Variants in TCF4 observed in about 807,000 individuals in gnomAD.
The protein encoded by TCF4 is transcription factor 4, also known as SL3-3 enhancer factor 2.
TCF4 carries 3 observed loss-of-function variants against 82.1 expected under a neutral mutation model. The ratio of observed to expected loss-of-function variants is 0.04; its 90% CI spans 0.02 to 0.09. The LOEUF is 0.09. Among genes scored for constraint, TCF4 ranks in the 10% least tolerant of loss-of-function variants. The probability of loss-of-function intolerance (pLI) is 1.00; values close to 1 mark genes in which losing one functional copy is unlikely to be tolerated. For missense variants in TCF4, 518 were observed against 852.7 expected (o/e 0.61, Z 4.89); for synonymous variants, 276 against 309.6 (o/e 0.89, Z 1.14).
intron 6 of TCF4, among the ~76,000 whole-genome samples, chr18:55,388,164 T>A (rs1192476472): frequency 1.3e-5 from 2 of 152,236 alleles, no homozygotes; most frequent in Non-Finnish European, 2.9e-5. Context: ...TAAAATCATA[T>A]AAAGTAAACA....
intron 2 of TCF4, among the ~76,000 whole-genome samples, chr18:55,617,982 G>A (rs530733321): frequency 2.6e-5 from 4 of 152,014 alleles, no homozygotes; most frequent in South Asian, 2.1e-4. Context: ...TTCCAGTACC[G>A]TGTTGAATAG....
chr18:55,231,360 T>C (rs1189709043), intron 17 of TCF4: 1 of 152,192 alleles, frequency 6.6e-6, no homozygotes, highest in Non-Finnish European at 1.5e-5. Context: ...ACAAATAAAC[T>C]AGTTATGCAA....
chr18:55,393,518 C>A (rs974284340), intron 6 of TCF4, among the ~76,000 whole-genome samples: 3 of 152,156 alleles, frequency 2.0e-5, no homozygotes, highest in Non-Finnish European at 4.4e-5. Flanking sequence ...TTGTAAAAAT[C>A]ACAAGCCACA....
At position 55,275,769 on chromosome 18, in the gene TCF4, C is replaced by T. The variant is rs563924724; in HGVS notation, c.656-17G>A. 2 of 1,613,692 alleles carry T rather than the reference C, an allele frequency of 1.2e-6. No individual in the cohort carries two copies. Among genetic ancestry groups the T allele is most frequent in the African/African-American group, 1.3e-5 (1 of 75,012 alleles). On this transcript the variant is annotated splice_polypyrimidine_tract_variant and intron_variant, in intron 9 of 19. Coordinates refer to ENST00000354452, the MANE Select transcript of TCF4 (RefSeq NM_001083962.2). ...GATGGCCATCTGTAAAGGACAAAGACAACCATGACTTTCTGAGGCATTCAG... is the reference window on the plus strand; with the variant it reads ...GATGGCCATCTGTAAAGGACAAAGATAACCATGACTTTCTGAGGCATTCAG...
intron 8 of TCF4, among the ~76,000 whole-genome samples, chr18:55,333,192 C>T (rs192393728): frequency 9.9e-5 from 15 of 152,214 alleles, no homozygotes; most frequent in Non-Finnish European, 1.5e-4. Flanking sequence ...GGTAGCAATG[C>T]TATAGTTAAG....
At chr18:55,416,671 C>T (rs914709334) in intron 5 of TCF4, among the ~76,000 whole-genome samples, 1 of 152,184 alleles carries the variant, frequency 6.6e-6, no homozygotes, top group South Asian at 2.1e-4. Flanking sequence ...TAATATGCCT[C>T]CTTTGGCCAA....
intron 5 of TCF4, chr18:55,452,423 C>T (rs988882363): frequency 6.6e-6 from 1 of 152,290 alleles, no homozygotes; most frequent in South Asian, 2.1e-4. Context: ...GGTAAGTTCC[C>T]TGGAAACTGT....
chr18:55,434,189 T>C (rs1444429030), intron 5 of TCF4, among the ~76,000 whole-genome samples: 2 of 152,166 alleles, frequency 1.3e-5, no homozygotes, highest in Admixed American at 1.3e-4. Context: ...TATCCTCTGC[T>C]CTTTATTAAT....
At chr18:55,577,189 T>C (rs1207036369) in intron 3 of TCF4, among the ~76,000 whole-genome samples, 1 of 55,066 alleles carries the variant, frequency 1.8e-5, no homozygotes, top group African/African-American at 9.1e-5. Flanking sequence ...TATAAATGTA[T>C]ATATACATTT....
intron 8 of TCF4, chr18:55,302,673 G>T: frequency 7.0e-7 from 1 of 1,428,984 alleles, no homozygotes; most frequent in Non-Finnish European, 9.3e-7. Flanking sequence ...CCTAGGGGTG[G>T]GAGGGCCTAG....
chr18:55,619,166 T>C (rs1259391901), intron 2 of TCF4, among the ~76,000 whole-genome samples: 1 of 152,064 alleles, frequency 6.6e-6, no homozygotes, highest in Non-Finnish European at 1.5e-5. Context: ...TTTGTTTTGG[T>C]GGTGAGATTA....
intron 15 of TCF4, 89 bp downstream of exon 15, chr18:55,254,408 G>C (rs538957327): frequency 2.3e-6 from 3 of 1,307,440 alleles, no homozygotes; most frequent in South Asian, 1.3e-5. Context: ...CAATAAAGCT[G>C]ATTTTTTAAA....
At chr18:55,249,751 T>C (rs2054442290) in intron 15 of TCF4, among the ~76,000 whole-genome samples, 1 of 152,158 alleles carries the variant, frequency 6.6e-6, no homozygotes, top group South Asian at 2.1e-4. Flanking sequence ...GATATATGAA[T>C]AGTAGAGGGG....
At chr18:55,598,947 G>A (rs1335212294) in intron 2 of TCF4, among the ~76,000 whole-genome samples, 1 of 152,212 alleles carries the variant, frequency 6.6e-6, no homozygotes, top group Non-Finnish European at 1.5e-5. Flanking sequence ...GACGGAGATA[G>A]CTGTTGGTGC....
intron 3 of TCF4, among the ~76,000 whole-genome samples, chr18:55,530,562 G>GA (rs33938531): frequency 1.2e-4 from 3 of 24,708 alleles, no homozygotes; most frequent in African/African-American, 6.8e-4. Context: ...GCCCTGAAAA[G>GA]GGGGGGGGAA....
At chr18:55,451,370 C>T (rs755588269) in intron 5 of TCF4, among the ~76,000 whole-genome samples, 16 of 152,164 alleles carry the variant, frequency 1.1e-4, no homozygotes, top group Non-Finnish European at 1.5e-4. Context: ...CATCCCTGTC[C>T]TCACCTGGGA....
intron 3 of TCF4, among the ~76,000 whole-genome samples, chr18:55,502,893 G>A (rs1010238991): frequency 6.6e-6 from 1 of 152,076 alleles, no homozygotes; most frequent in East Asian, 1.9e-4. Flanking sequence ...CATCTTAATC[G>A]ACGACTTAAA....
intron 2 of TCF4, chr18:55,586,214 AGCAG>A: frequency 1.2e-6 from 1 of 864,326 alleles, no homozygotes; most frequent in Non-Finnish European, 1.6e-6. Context: ...CAGCAGCAGC[AGCAG>A]CAGCAGCAGC....
chr18:55,275,421 A>G (rs1188698260), intron 10 of TCF4, among the ~76,000 whole-genome samples, 198 bp downstream of exon 10: 1 of 152,178 alleles, frequency 6.6e-6, no homozygotes, highest in Non-Finnish European at 1.5e-5. Context: ...ACAATGCCAG[A>G]GAGAATCTGG....
Sources: allele counts gnomAD v4.1 joint callset (sites outside exome capture counted in the v4.1 genomes callset), GRCh38; gene constraint gnomAD v4.1.1; transcripts MANE v1.5; gene names NCBI Gene and HGNC (gene_info 2026-07-23, HGNC 2026-07-21).